KHDRBS1: variants seen among roughly 807,000 people sequenced by gnomAD.
The protein encoded by KHDRBS1 is KH domain-containing, RNA-binding, signal transduction-associated protein 1.
KHDRBS1 carries 7 observed loss-of-function variants against 48.4 expected under a neutral mutation model. The ratio of observed to expected loss-of-function variants is 0.14; its 90% CI spans 0.08 to 0.27. The LOEUF is 0.27. Among genes scored for constraint, KHDRBS1 ranks in the 10% least tolerant of loss-of-function variants. The pLI, the probability that KHDRBS1 is intolerant of heterozygous loss-of-function variation, is 1.00. For synonymous variants in KHDRBS1, 241 were observed against 235.8 expected (o/e 1.02, Z -0.20); for missense variants, 458 against 601.2 (o/e 0.76, Z 2.49).
chr1:32,025,271 A>T (rs905279309), intron 1 of KHDRBS1, among the ~76,000 whole-genome samples: 1 of 150,966 alleles, frequency 6.6e-6, no homozygotes, highest in African/African-American at 2.4e-5. Flanking sequence ...TCTCAAAAAA[A>T]AAAAAAAAAT....
chr1:32,039,655 G>A (rs551653711), intron 8 of KHDRBS1, 82 bp downstream of exon 8: 2 of 799,820 alleles, frequency 2.5e-6, no homozygotes, highest in African/African-American at 1.7e-5. Context: ...TTGAGAGTCA[G>A]ACAAACACAC....
intron 3 of KHDRBS1, among the ~76,000 whole-genome samples, chr1:32,032,185 C>T (rs1049857354): frequency 1.3e-5 from 2 of 152,066 alleles, no homozygotes; most frequent in African/African-American, 2.4e-5. Context: ...ATGCCATAGC[C>T]GCGTACGCTG....
At chr1:32,033,358 C>A in intron 4 of KHDRBS1, 24 bp downstream of exon 4, 1 of 1,611,558 alleles carries the variant, frequency 6.2e-7, no homozygotes, top group Non-Finnish European at 8.5e-7. Flanking sequence ...TATCCTGTGT[C>A]TTCTGAGCAA....
chr1:32,056,876 C>T (rs1054573268), intron 10 of KHDRBS1, among the ~76,000 whole-genome samples: 3 of 152,078 alleles, frequency 2.0e-5, no homozygotes, highest in Admixed American at 6.5e-5. Context: ...ATCCAGTGGC[C>T]GGTGAACAAT....
chr1:32,034,498 T>C (rs1304466097), intron 4 of KHDRBS1, among the ~76,000 whole-genome samples: 13 of 151,916 alleles, frequency 8.6e-5, no homozygotes, highest in Non-Finnish European at 1.9e-4. Flanking sequence ...AGGCAGAGGT[T>C]GCGGTAAGCT....
chr1:32,057,485 CTT>C (rs931055192), intron 10 of KHDRBS1, among the ~76,000 whole-genome samples: 28 of 132,462 alleles, frequency 2.1e-4, no homozygotes, highest in South Asian at 2.4e-4. Flanking sequence ...TTCTTCTTTT[CTT>C]TTTTTTTTTT....
chr1:32,049,063 GT>G (rs937830236), intron 10 of KHDRBS1, among the ~76,000 whole-genome samples: 2 of 148,222 alleles, frequency 1.3e-5, no homozygotes, highest in South Asian at 4.3e-4. Context: ...TGTTTTTTTG[GT>G]TTTTTTTTGA....
At chr1:32,022,889 C>CAAA (rs113782158) in intron 1 of KHDRBS1, among the ~76,000 whole-genome samples, 1 of 126,888 alleles carries the variant, frequency 7.9e-6, no homozygotes, top group African/African-American at 2.9e-5. Context: ...GACCCTGTCT[C>CAAA]AAAAAAAAAA....
At chr1:32,030,478 A>G in intron 2 of KHDRBS1, 56 bp downstream of exon 2, 1 of 1,484,338 alleles carries the variant, frequency 6.7e-7, no homozygotes, top group Non-Finnish European at 9.1e-7. Flanking sequence ...TGAGAGAGTC[A>G]TGGGCTATAA....
rs937475506 is a variant in KHDRBS1 at position 32,050,595 on chromosome 1, C to A, written n.1301+5205C>A. 2.0e-5 allele frequency among the ~76,000 whole-genome samples: 3 copies of A among 151,960 alleles called. 1 individual carries two copies. Among genetic ancestry groups the A allele is most frequent in the Non-Finnish European group, 4.4e-5 (3 of 68,002 alleles). On this transcript the variant is annotated intron_variant and non_coding_transcript_variant, in intron 10 of 10. Coordinates refer to the KHDRBS1 transcript ENST00000484270. ...TGGTATGATCTCAGTTCACTGCAAC[C>A]TCCAGCTCCCGGGTTCAAGCAGTTC...
chr1:32,055,059 G>C (rs975581218), intron 10 of KHDRBS1, among the ~76,000 whole-genome samples: 2 of 152,142 alleles, frequency 1.3e-5, no homozygotes, highest in African/African-American at 4.8e-5. Flanking sequence ...TCTGTACCTA[G>C]GGTGGCCGCA....
At chr1:32,059,619 G>A (rs1047285287) in intron 10 of KHDRBS1, among the ~76,000 whole-genome samples, 5 of 151,900 alleles carry the variant, frequency 3.3e-5, no homozygotes, top group African/African-American at 9.7e-5. Context: ...TCCCTGTGCC[G>A]CAGATTTAAG....
chr1:32,013,900 G>T lies in KHDRBS1; in HGVS notation c.-96G>T. On this transcript the variant is annotated 5_prime_UTR_variant, in exon 1 of 9. Transcript: ENST00000327300. ...TGGGTCGCTCGGGTCGGCTTCGGTCGCTACCGCTCCCGCTCTGCCACCCCC... is the reference window on the plus strand; with the variant it reads ...TGGGTCGCTCGGGTCGGCTTCGGTCTCTACCGCTCCCGCTCTGCCACCCCC... 1 of 1,218,874 alleles carries T rather than the reference G, an allele frequency of 8.2e-7. No homozygotes were observed. Among genetic ancestry groups the T allele is most frequent in the African/African-American group, 1.6e-5 (1 of 63,060 alleles). The allele number at this position is 1,218,874 out of a possible 1,614,324, so 75.5% of individuals were successfully genotyped here. A position where few individuals can be genotyped will look rare whatever the true frequency, so the allele number is the denominator to read the frequency against.
At chr1:32,045,739 C>T (rs536212760), downstream of KHDRBS1, among the ~76,000 whole-genome samples, 55 of 152,214 alleles carry the variant, frequency 3.6e-4, no homozygotes, top group Non-Finnish European at 6.8e-4. Context: ...ATGTTCAGTG[C>T]GAAGGATAAA....
At chr1:32,045,167 G>T (rs1639343140), downstream of KHDRBS1, among the ~76,000 whole-genome samples, 1 of 152,262 alleles carries the variant, frequency 6.6e-6, no homozygotes, top group Admixed American at 6.5e-5. Flanking sequence ...GTCCCTGTAG[G>T]TCCCCATATT....
downstream of KHDRBS1, among the ~76,000 whole-genome samples, chr1:32,045,141 A>G (rs1277299057): frequency 6.6e-6 from 1 of 152,160 alleles, no homozygotes; most frequent in Non-Finnish European, 1.5e-5. Context: ...AGCTATTTAA[A>G]ACTGTGTAAG....
At chr1:32,041,583 C>CTTTTTT (rs370173805) in intron 8 of KHDRBS1, among the ~76,000 whole-genome samples, 44 of 75,588 alleles carry the variant, frequency 5.8e-4, no homozygotes, top group Admixed American at 1.2e-3. Flanking sequence ...AGGAATTATC[C>CTTTTTT]TTTTTTTTTT....
chr1:32,016,683 T>G (rs1490337972), intron 1 of KHDRBS1, among the ~76,000 whole-genome samples: 1 of 152,190 alleles, frequency 6.6e-6, no homozygotes, highest in Non-Finnish European at 1.5e-5. Context: ...TGAGCACTCT[T>G]CCTGTACCAC....
At chr1:32,023,554 G>T (rs1440378527) in intron 1 of KHDRBS1, among the ~76,000 whole-genome samples, 1 of 152,084 alleles carries the variant, frequency 6.6e-6, no homozygotes, top group East Asian at 1.9e-4. Context: ...GTTTTCTTTG[G>T]CCCTTGGGAT....
Sources: allele counts gnomAD v4.1 joint callset (sites outside exome capture counted in the v4.1 genomes callset), GRCh38; gene constraint gnomAD v4.1.1; transcripts MANE v1.5; gene names NCBI Gene and HGNC (gene_info 2026-07-23, HGNC 2026-07-21).